SPECC1L: variants seen among roughly 807,000 people sequenced by gnomAD.
The protein encoded by SPECC1L is cytospin-A.
A neutral mutation model predicts 116.8 loss-of-function variants in SPECC1L; 40 were observed. The observed-to-expected ratio is 0.34, with a 90% CI of 0.27 to 0.45. SPECC1L has a LOEUF of 0.45. Ranked by LOEUF, SPECC1L falls within the 20% of genes least tolerant of loss-of-function variation. SPECC1L has a pLI of 1.00. For synonymous variants in SPECC1L, 504 were observed against 500.6 expected, an observed-to-expected ratio of 1.01 and a Z score of -0.09; for missense variants, 1,110 against 1,373.6, an observed-to-expected ratio of 0.81 and a Z score of 3.03.
At chr22:24,390,877 T>TG (rs1363137083) in intron 14 of SPECC1L, among the ~76,000 whole-genome samples, 2 of 107,672 alleles carry the variant, frequency 1.9e-5, no homozygotes, top group South Asian at 3.5e-4. Flanking sequence ...CTTTTCTTTT[T>TG]TTTTTTTTTT....
chr22:24,412,583 G>A, intron 15 of SPECC1L, 65 bp from the exon 16 acceptor site: 1 of 1,497,222 alleles, frequency 6.7e-7, no homozygotes, highest in Non-Finnish European at 9.3e-7. Flanking sequence ...CCAGGCAGTT[G>A]TGGAGGCCAC....
At chr22:24,318,840 G>T (rs911331388) in intron 4 of SPECC1L, among the ~76,000 whole-genome samples, 2 of 151,490 alleles carry the variant, frequency 1.3e-5, no homozygotes, top group African/African-American at 2.4e-5. Flanking sequence ...GAGGTGGGAG[G>T]ATCACCTGAG....
At chr22:24,288,076 C>T (rs900279149) in intron 2 of SPECC1L, among the ~76,000 whole-genome samples, 10 of 152,120 alleles carry the variant, frequency 6.6e-5, no homozygotes, top group Non-Finnish European at 1.2e-4. Context: ...TAGATTTTCC[C>T]TTCTCTTTCA....
chr22:24,285,618 C>G (rs1162487367), intron 2 of SPECC1L, among the ~76,000 whole-genome samples: 1 of 151,824 alleles, frequency 6.6e-6, no homozygotes, highest in Admixed American at 6.6e-5. Context: ...TGATCTAAAA[C>G]AATACTGCTG....
In SPECC1L at chr22:24,322,331, C is replaced by G. The variant is rs200081627; in HGVS notation, c.1351C>G (p.Gln451Glu). 3.9e-5 allele frequency: 63 copies of G among 1,614,086 alleles called. No homozygotes were observed. Among genetic ancestry groups the G allele is most frequent in the Non-Finnish European group, 5.3e-5 (63 of 1,180,036 alleles). Residue 451 changes from glutamine to glutamate, a missense_variant, in exon 5 of 17, where the codon CAG (glutamine) becomes GAG (glutamate). Around this residue, in one of 4 missense-constraint regions of SPECC1L, gnomAD observed 575 missense variants for 682.4 expected, o/e 0.84. Transcript: ENST00000314328. ...GGTTATTCTGATGGAGTCTTTATGT[C>G]AGCAGAGCGATAAGTTGGAACACTT... ...EKVILMESLC[Q>E]QSDKLEHFSR...
At chr22:24,380,584 A>C (rs1342751024) in intron 14 of SPECC1L, among the ~76,000 whole-genome samples, 1 of 152,202 alleles carries the variant, frequency 6.6e-6, no homozygotes, top group Non-Finnish European at 1.5e-5. Flanking sequence ...TAATTTCATT[A>C]AGCATCCATT....
At chr22:24,317,774 T>C (rs2040628371) in intron 4 of SPECC1L, among the ~76,000 whole-genome samples, 2 of 145,834 alleles carry the variant, frequency 1.4e-5, no homozygotes, top group Non-Finnish European at 3.0e-5. Context: ...ACGGGGCGGC[T>C]GCTGGGCGGA....
chr22:24,367,010 A>G (rs1202830433), intron 13 of SPECC1L, among the ~76,000 whole-genome samples: 1 of 152,212 alleles, frequency 6.6e-6, no homozygotes, highest in African/African-American at 2.4e-5. Flanking sequence ...CCTGGCCAAC[A>G]TGGTGAAACC....
chr22:24,294,764 T>C (rs1428113614), intron 2 of SPECC1L, among the ~76,000 whole-genome samples: 97 of 150,552 alleles, frequency 6.4e-4, no homozygotes, highest in African/African-American at 1.8e-3. Context: ...TGCCTGGACA[T>C]GGAATAAACG....
chr22:24,374,207 A>G (rs1026324531), intron 14 of SPECC1L, among the ~76,000 whole-genome samples: 8 of 152,082 alleles, frequency 5.3e-5, no homozygotes, highest in Non-Finnish European at 1.0e-4. Flanking sequence ...TGTGAAAGTC[A>G]GTGTGGCGAT....
chr22:24,375,950 AAAACAAAC>A (rs748877884), intron 14 of SPECC1L, among the ~76,000 whole-genome samples: 9 of 147,784 alleles, frequency 6.1e-5, no homozygotes, highest in East Asian at 3.9e-4. Flanking sequence ...ACTCTGTCTC[AAAACAAAC>A]AAACAAACAA....
At chr22:24,272,810 C>CA (rs896306588) in intron 1 of SPECC1L, among the ~76,000 whole-genome samples, 3 of 151,764 alleles carry the variant, frequency 2.0e-5, no homozygotes, top group Non-Finnish European at 4.4e-5. Flanking sequence ...TTTTTTCCTC[C>CA]AAAAAAACAC....
chr22:24,283,414 A>C (rs1164985085), intron 2 of SPECC1L, among the ~76,000 whole-genome samples: 1 of 152,192 alleles, frequency 6.6e-6, no homozygotes, highest in Non-Finnish European at 1.5e-5. Flanking sequence ...CTAACCTTGC[A>C]TTTGTGGGAT....
At chr22:24,375,940 ACT>A (rs1480143158) in intron 14 of SPECC1L, among the ~76,000 whole-genome samples, 7 of 151,984 alleles carry the variant, frequency 4.6e-5, no homozygotes, top group South Asian at 4.2e-4. Context: ...ACAGAGTGAG[ACT>A]CTGTCTCAAA....
chr22:24,371,075 A>G (rs1205765987), intron 14 of SPECC1L, among the ~76,000 whole-genome samples: 3 of 152,176 alleles, frequency 2.0e-5, no homozygotes, highest in African/African-American at 2.4e-5. Flanking sequence ...TTTTTTATGT[A>G]TATTTACCAT....
chr22:24,288,779 C>T (rs1018782970), intron 2 of SPECC1L, among the ~76,000 whole-genome samples: 1 of 151,854 alleles, frequency 6.6e-6, no homozygotes, highest in African/African-American at 2.4e-5. Flanking sequence ...GTGTCTGCCA[C>T]CACACTTGGC....
intron 11 of SPECC1L, among the ~76,000 whole-genome samples, chr22:24,358,895 A>G (rs1332862692): frequency 1.3e-5 from 2 of 152,164 alleles, no homozygotes; most frequent in African/African-American, 4.8e-5. Flanking sequence ...TGCCCATGTT[A>G]TGTATCTGTC....
At chr22:24,364,454 G>A (rs2041711012) in intron 12 of SPECC1L, among the ~76,000 whole-genome samples, 1 of 152,054 alleles carries the variant, frequency 6.6e-6, no homozygotes, top group Non-Finnish European at 1.5e-5. Flanking sequence ...CCTGAGGTCA[G>A]GAGTTCGAGA....
At chr22:24,361,445 G>A (rs896544430) in intron 11 of SPECC1L, among the ~76,000 whole-genome samples, 2 of 152,118 alleles carry the variant, frequency 1.3e-5, no homozygotes, top group South Asian at 2.1e-4. Flanking sequence ...GCTCACTCCT[G>A]TAATCCCAGC....
Sources: allele counts gnomAD v4.1 joint callset (sites outside exome capture counted in the v4.1 genomes callset), GRCh38; gene constraint gnomAD v4.1.1; regional missense constraint gnomAD v4.1.1; transcripts MANE v1.5; gene names NCBI Gene and HGNC (gene_info 2026-07-23, HGNC 2026-07-21).